GUCY1A2: variants seen among roughly 807,000 people sequenced by gnomAD.
The protein encoded by GUCY1A2 is guanylate cyclase 1 soluble subunit alpha 2, also known as guanylate cyclase soluble subunit alpha-2.
GUCY1A2 carries 27 observed loss-of-function variants against 63.5 expected under a neutral mutation model. The observed-to-expected ratio is 0.43, with a 90% confidence interval of 0.31 to 0.59. The LOEUF (loss-of-function observed/expected upper bound fraction) is 0.59, where lower values mean the gene tolerates loss of function less well. GUCY1A2 is among the 20% of genes least tolerant of loss of function. GUCY1A2 has a pLI of 0.11. For synonymous variants in GUCY1A2, 364 were observed against 343.5 expected, an observed-to-expected ratio of 1.06 and a Z score of -0.66; for missense variants, 768 against 913.3, an observed-to-expected ratio of 0.84 and a Z score of 2.05.
chr11:106,954,148 T>C (rs970013553), intron 3 of GUCY1A2, among the ~76,000 whole-genome samples: 1 of 152,214 alleles, frequency 6.6e-6, no homozygotes, highest in Non-Finnish European at 1.5e-5. Context: ...GATGTGGGCA[T>C]TTAATGCTAT....
rs1862373536 is a variant in GUCY1A2 at position 106,677,969 on chromosome 11, A to T, written c.*9580T>A. The T allele has an allele frequency of 4.9e-6, 1 of 202,676 alleles. No individual in the cohort carries two copies. The highest frequency in any genetic ancestry group is 1.0e-5 in the Non-Finnish European group (1 of 98,502). 12.6% of individuals were successfully genotyped at this position (202,676 alleles called of 1,614,324 possible). A position where few individuals can be genotyped will look rare whatever the true frequency, so the allele number is the denominator to read the frequency against. On this transcript the variant is annotated 3_prime_UTR_variant, in exon 8 of 8. Transcript: ENST00000526355. ...AGGATCAAATGAAAAAGCAATGAGCACCTATTATTTCAGGTCATTGAGTTA... is the reference window on the plus strand; with the variant it reads ...AGGATCAAATGAAAAAGCAATGAGCTCCTATTATTTCAGGTCATTGAGTTA...
intron 5 of GUCY1A2, among the ~76,000 whole-genome samples, chr11:106,809,685 A>T (rs1299018233): frequency 6.6e-6 from 1 of 152,144 alleles, no homozygotes; most frequent in Non-Finnish European, 1.5e-5. Flanking sequence ...AAGAATAATT[A>T]TGTGGTAAAA....
At position 106,866,790 on chromosome 11, in the gene GUCY1A2, A is replaced by C. The variant is rs186164362; in HGVS notation, c.1207-56312T>G. Among the ~76,000 whole-genome samples the C allele has an allele frequency of 2.0e-5, 3 of 152,182 alleles. No homozygotes were observed. The East Asian group carries it at 5.8e-4, about 29-fold the overall frequency. ...ATTGCTATCTGCTGCTCCATGGAAT[A>C]ACACAGAGAGAATCTTTTCTGAAAT... On this transcript the variant is annotated intron_variant, in intron 4 of 7. Coordinates refer to ENST00000526355, the MANE Select transcript of GUCY1A2 (RefSeq NM_000855.3).
chr11:106,893,287 T>C (rs1305916992), intron 4 of GUCY1A2, among the ~76,000 whole-genome samples: 1 of 152,188 alleles, frequency 6.6e-6, no homozygotes, highest in Non-Finnish European at 1.5e-5. Flanking sequence ...ACATATCTAT[T>C]TGTAACCACT....
At chr11:106,765,198 AG>A (rs1208046989) in intron 6 of GUCY1A2, among the ~76,000 whole-genome samples, 1 of 151,890 alleles carries the variant, frequency 6.6e-6, no homozygotes, top group Non-Finnish European at 1.5e-5. Context: ...CCTACCACAT[AG>A]TTGGTTTTTA....
chr11:106,821,433 C>T (rs1012286450), intron 4 of GUCY1A2, among the ~76,000 whole-genome samples: 2 of 152,092 alleles, frequency 1.3e-5, no homozygotes, highest in African/African-American at 4.8e-5. Flanking sequence ...AAAAGTTTTC[C>T]TTGCTTTAAA....
chr11:106,828,987 C>T (rs1170795680), intron 4 of GUCY1A2, among the ~76,000 whole-genome samples: 1 of 152,178 alleles, frequency 6.6e-6, no homozygotes. Flanking sequence ...CATTTTCAGT[C>T]GCACTGCTAT....
chr11:106,747,153 A>AT (rs568934033), intron 6 of GUCY1A2, among the ~76,000 whole-genome samples: 1,678 of 151,636 alleles, frequency 0.011, 18 homozygotes, highest in African/African-American at 0.015. Context: ...ATGCTCAGCT[A>AT]TTTTTTTTGT....
At position 106,859,919 on chromosome 11, in the gene GUCY1A2, A is replaced by T. The variant is rs1859486316; in HGVS notation, c.1207-49441T>A. ...TGTAAGTATACTCTATGATACTTGC[A>T]CAATGATGAAATCACCTAAAAATGC... is the stretch of plus-strand genomic sequence containing the variant. On this transcript the variant is annotated intron_variant, in intron 4 of 7. Transcript: ENST00000526355. 1.3e-4 allele frequency among the ~76,000 whole-genome samples: 20 copies of T among 152,074 alleles called. No individual in the cohort carries two copies. In the South Asian group the frequency reaches 4.1e-3, roughly 31 times the overall value.
chr11:106,827,559 C>T, intron 4 of GUCY1A2: 1 of 1,455,842 alleles, frequency 6.9e-7, no homozygotes. Flanking sequence ...CTCCAGCACA[C>T]AGAGTTTCTT....
At chr11:106,941,982 A>G (rs1206715561) in intron 3 of GUCY1A2, among the ~76,000 whole-genome samples, 2 of 152,196 alleles carry the variant, frequency 1.3e-5, no homozygotes, top group African/African-American at 4.8e-5. Flanking sequence ...TTGCCAGGTT[A>G]CAAGACTGCT....
intron 5 of GUCY1A2, among the ~76,000 whole-genome samples, chr11:106,778,832 T>C (rs1321978067): frequency 1.3e-5 from 2 of 152,170 alleles, no homozygotes; most frequent in Non-Finnish European, 2.9e-5. Flanking sequence ...ATTTTCACTG[T>C]TTGCTTATTT....
At chr11:106,934,848 T>G (rs914524858) in intron 4 of GUCY1A2, among the ~76,000 whole-genome samples, 1 of 152,136 alleles carries the variant, frequency 6.6e-6, no homozygotes, top group Non-Finnish European at 1.5e-5. Flanking sequence ...TAAAAAAAAA[T>G]GTCAAAAGAA....
chr11:106,968,757 T>A (rs1326879546), intron 3 of GUCY1A2, among the ~76,000 whole-genome samples: 1 of 152,284 alleles, frequency 6.6e-6, no homozygotes, highest in Non-Finnish European at 1.5e-5. Flanking sequence ...CCCAACAATC[T>A]CTCTACCCAA....
intron 5 of GUCY1A2, among the ~76,000 whole-genome samples, chr11:106,791,619 A>G (rs1864662080): frequency 6.6e-6 from 1 of 152,310 alleles, no homozygotes; most frequent in Admixed American, 6.5e-5. Context: ...ATCTTAACCC[A>G]TAAATCCTAC....
intron 4 of GUCY1A2, among the ~76,000 whole-genome samples, chr11:106,896,108 G>A (rs7944824): frequency 0.96 from 145,680 of 151,396 alleles, 70,143 homozygotes; most frequent in East Asian, 1. Flanking sequence ...ATGTATAAAT[G>A]TAAGTATACA....
intron 6 of GUCY1A2, among the ~76,000 whole-genome samples, chr11:106,712,351 T>A (rs1333637756): frequency 4.6e-5 from 7 of 152,202 alleles, no homozygotes; most frequent in Non-Finnish European, 8.8e-5. Context: ...AGAAGTTCAA[T>A]TTGGAATTTT....
chr11:106,829,629 T>C (rs574428494), intron 4 of GUCY1A2, among the ~76,000 whole-genome samples: 2 of 152,304 alleles, frequency 1.3e-5, no homozygotes, highest in South Asian at 4.1e-4. Context: ...GATTGCCACC[T>C]GGATATTTTG....
intron 7 of GUCY1A2, among the ~76,000 whole-genome samples, chr11:106,696,913 C>G (rs932035478): frequency 6.6e-6 from 1 of 152,082 alleles, no homozygotes; most frequent in Non-Finnish European, 1.5e-5. Context: ...TTCCCCCATA[C>G]AGGTTAGATA....
Sources: allele counts gnomAD v4.1 joint callset (sites outside exome capture counted in the v4.1 genomes callset), GRCh38; gene constraint gnomAD v4.1.1; transcripts MANE v1.5; gene names NCBI Gene and HGNC (gene_info 2026-07-23, HGNC 2026-07-21).